ADGRB3: variants seen among roughly 807,000 people sequenced by gnomAD.
ADGRB3 encodes the protein brain-specific angiogenesis inhibitor 3.
Under a neutral mutation model 193.4 loss-of-function variants are expected in ADGRB3, and 37 were observed. That is an observed-to-expected ratio of 0.19 (90% CI 0.15 to 0.25). ADGRB3 has a LOEUF of 0.25. ADGRB3 is among the 10% of genes least tolerant of loss of function. The pLI is 1.00. For missense variants in ADGRB3, 1,637 were observed against 1,852.9 expected (o/e 0.88, Z 2.14); for synonymous variants, 690 against 644.2 (o/e 1.07, Z -1.08).
chr6:69,344,764 G>A (rs1326396982), intron 26 of ADGRB3, among the ~76,000 whole-genome samples: 1 of 152,150 alleles, frequency 6.6e-6, no homozygotes, highest in Non-Finnish European at 1.5e-5. Context: ...CTTTGAAGAG[G>A]AAGGAGGAGA....
In ADGRB3 at chr6:69,329,468, A is replaced by C. The variant is rs978123863; in HGVS notation, c.3036-1038A>C. On this transcript the variant is annotated intron_variant, in intron 22 of 31. Coordinates refer to ENST00000370598, the MANE Select transcript of ADGRB3 (RefSeq NM_001704.3). ...GGTAAATATGTTTAAGATATAATTTACATAGAGTAGCATTCACCCTATTAA... is the reference window on the plus strand; with the variant it reads ...GGTAAATATGTTTAAGATATAATTTCCATAGAGTAGCATTCACCCTATTAA... 2.0e-5 allele frequency among the ~76,000 whole-genome samples: 3 copies of C among 152,320 alleles called. No individual in the cohort carries two copies. The East Asian group carries it at 5.8e-4, about 29-fold the overall frequency.
intron 17 of ADGRB3, among the ~76,000 whole-genome samples, chr6:69,230,818 G>A (rs897991402): frequency 9.2e-5 from 14 of 152,134 alleles, no homozygotes; most frequent in Admixed American, 6.5e-4. Context: ...TCTTCTTGTA[G>A]CAGATGCAGT....
intron 28 of ADGRB3, among the ~76,000 whole-genome samples, chr6:69,359,137 C>T (rs1296524656): frequency 6.6e-6 from 1 of 151,242 alleles, no homozygotes; most frequent in African/African-American, 2.4e-5. Context: ...AAATAGGTTC[C>T]CATATATTTT....
chr6:69,332,859 G>T (rs890975431), intron 23 of ADGRB3, 64 bp from the exon 24 acceptor site: 2 of 1,586,610 alleles, frequency 1.3e-6, no homozygotes, highest in African/African-American at 2.7e-5. Flanking sequence ...AGGATTTTCA[G>T]GAGAAACAGG....
At chr6:68,909,888 C>T (rs1271975260) in intron 3 of ADGRB3, among the ~76,000 whole-genome samples, 1 of 152,120 alleles carries the variant, frequency 6.6e-6, no homozygotes, top group Non-Finnish European at 1.5e-5. Flanking sequence ...GTCTTTATAG[C>T]AGCATGATTT....
At chr6:69,007,425 A>C (rs954034191) in intron 11 of ADGRB3, among the ~76,000 whole-genome samples, 17 of 151,846 alleles carry the variant, frequency 1.1e-4, no homozygotes, top group African/African-American at 4.1e-4. Context: ...ACCCTCTATT[A>C]ATATTTTCAT....
At chr6:69,296,432 C>A (rs544781005) in intron 20 of ADGRB3, among the ~76,000 whole-genome samples, 17 of 152,142 alleles carry the variant, frequency 1.1e-4, no homozygotes, top group African/African-American at 4.1e-4. Context: ...ATGCATATTT[C>A]GGGACATGGC....
chr6:69,022,408 CAG>C lies in ADGRB3; in HGVS notation c.2107+3911_2107+3912del, dbSNP rs1439758651. On this transcript the variant is annotated intron_variant, in intron 13 of 31. Transcript: ENST00000370598. ...TTAAAAAGTTATTTTTTCAACAAGA[CAG>C]AAAGTTATTTTTCAATGAAAATATT... Among the ~76,000 whole-genome samples, 17 of 151,714 alleles carry C rather than the reference CAG, an allele frequency of 1.1e-4. 1 individual carries two copies. Among genetic ancestry groups the C allele is most frequent in the East Asian group, 3.9e-4 (2 of 5,192 alleles).
chr6:68,662,029 G>C, intron 3 of ADGRB3, among the ~76,000 whole-genome samples: 1 of 151,582 alleles, frequency 6.6e-6, no homozygotes, highest in Non-Finnish European at 1.5e-5. Context: ...TTTGATGATT[G>C]TGATATTGGC....
intron 17 of ADGRB3, among the ~76,000 whole-genome samples, chr6:69,176,470 A>G (rs1219775927): frequency 6.6e-6 from 1 of 152,164 alleles, no homozygotes; most frequent in African/African-American, 2.4e-5. Context: ...CCAACCTTGC[A>G]TCCCAGGAAT....
At chr6:68,777,320 C>T (rs1766766338) in intron 3 of ADGRB3, among the ~76,000 whole-genome samples, 1 of 152,108 alleles carries the variant, frequency 6.6e-6, no homozygotes, top group African/African-American at 2.4e-5. Flanking sequence ...CAAACGTCAA[C>T]ATTTTGGTTA....
intron 3 of ADGRB3, among the ~76,000 whole-genome samples, chr6:68,740,740 A>T (rs1310309458): frequency 6.6e-6 from 1 of 152,166 alleles, no homozygotes; most frequent in East Asian, 1.9e-4. Flanking sequence ...TTATTTATCC[A>T]TTATGTTGTG....
chr6:69,072,546 G>A (rs1470171451), intron 16 of ADGRB3, among the ~76,000 whole-genome samples: 1 of 151,238 alleles, frequency 6.6e-6, no homozygotes, highest in Non-Finnish European at 1.5e-5. Context: ...TTTTTTTGTT[G>A]TGGCTTACTG....
At chr6:68,930,065 GAAA>G (rs138263407) in intron 3 of ADGRB3, among the ~76,000 whole-genome samples, 2 of 123,826 alleles carry the variant, frequency 1.6e-5, no homozygotes, top group Non-Finnish European at 3.5e-5. Flanking sequence ...ATCTTTGGAT[GAAA>G]AAAAAAAAAA....
At chr6:68,770,540 A>G (rs1243102707) in intron 3 of ADGRB3, among the ~76,000 whole-genome samples, 2 of 151,976 alleles carry the variant, frequency 1.3e-5, no homozygotes, top group African/African-American at 2.4e-5. Context: ...CTGTTACTCA[A>G]ATGGGTTGGT....
chr6:68,708,055 T>G (rs191366089), intron 3 of ADGRB3, among the ~76,000 whole-genome samples: 1 of 152,262 alleles, frequency 6.6e-6, no homozygotes, highest in Admixed American at 6.5e-5. Context: ...ATCTGGAGAA[T>G]TTCCACTTAT....
chr6:68,893,857 T>G (rs968470416), intron 3 of ADGRB3, among the ~76,000 whole-genome samples: 2 of 151,966 alleles, frequency 1.3e-5, no homozygotes, highest in African/African-American at 4.8e-5. Context: ...CTAACTTTAT[T>G]CAAATACTGT....
chr6:69,126,260 T>C (rs547196470), intron 17 of ADGRB3, among the ~76,000 whole-genome samples: 2 of 152,026 alleles, frequency 1.3e-5, no homozygotes, highest in African/African-American at 4.8e-5. Context: ...CATACATACA[T>C]ACATACATAC....
chr6:68,872,521 A>G (rs1011417528), intron 3 of ADGRB3, among the ~76,000 whole-genome samples: 3 of 152,142 alleles, frequency 2.0e-5, no homozygotes, highest in African/African-American at 4.8e-5. Flanking sequence ...AAAATGTTTC[A>G]TCTTTCTTCA....
Sources: gnomAD v4.1 joint callset for allele counts (sites outside exome capture counted in the v4.1 genomes callset) on GRCh38, gnomAD v4.1.1 for gene constraint, MANE v1.5 for transcripts, NCBI Gene and HGNC (gene_info 2026-07-23, HGNC 2026-07-21) for gene names.